The following NOL4 variants were observed in gnomAD, a reference collection of about 807,000 sequenced individuals.
The protein encoded by NOL4 is cancer/testis antigen 125.
In NOL4, 17 loss-of-function variants were observed where a neutral mutation model predicts 75.9. The observed-to-expected ratio is 0.22, with a 90% CI of 0.15 to 0.34. NOL4 has a LOEUF of 0.34. Among genes scored for constraint, NOL4 ranks in the 10% least tolerant of loss-of-function variants. The probability of loss-of-function intolerance (pLI) is 1.00; values close to 1 mark genes in which losing one functional copy is unlikely to be tolerated. For missense variants in NOL4, 614 were observed against 793.5 expected (o/e 0.77, Z 2.72); for synonymous variants, 292 against 289.9 (o/e 1.01, Z -0.07).
At chr18:34,009,991 T>C (rs1226813248) in intron 6 of NOL4, among the ~76,000 whole-genome samples, 1 of 151,858 alleles carries the variant, frequency 6.6e-6, no homozygotes, top group African/African-American at 2.4e-5. Context: ...ATATACACTT[T>C]CATTTTTCCT....
chr18:34,024,373 C>T (rs1279126367), intron 5 of NOL4, among the ~76,000 whole-genome samples: 1 of 150,992 alleles, frequency 6.6e-6, no homozygotes, highest in Non-Finnish European at 1.5e-5. Flanking sequence ...TCTTTCATAT[C>T]TTACCGTAAA....
At chr18:34,207,768 C>A (rs1022968914) in intron 1 of NOL4, among the ~76,000 whole-genome samples, 8 of 152,072 alleles carry the variant, frequency 5.3e-5, no homozygotes, top group African/African-American at 1.9e-4. Context: ...AACATGTAGC[C>A]CTGAAAAAGA....
chr18:34,033,117 G>T (rs2075721443), intron 5 of NOL4, among the ~76,000 whole-genome samples: 1 of 152,032 alleles, frequency 6.6e-6, no homozygotes, highest in Non-Finnish European at 1.5e-5. Flanking sequence ...CAGATGCAGA[G>T]ATATCAATGT....
chr18:34,087,764 C>G (rs1268845565), intron 5 of NOL4, among the ~76,000 whole-genome samples: 1 of 151,666 alleles, frequency 6.6e-6, no homozygotes, highest in Non-Finnish European at 1.5e-5. Context: ...TTTTGACTAC[C>G]TAGCCTCTGA....
chr18:33,940,690 C>CA (rs1315252430), intron 9 of NOL4, among the ~76,000 whole-genome samples: 18 of 149,834 alleles, frequency 1.2e-4, no homozygotes, highest in African/African-American at 1.5e-4. Context: ...ACTTAAAGTA[C>CA]AAAAAACAAA....
At position 34,142,939 on chromosome 18, in the gene NOL4, G is replaced by A. The variant is rs75208266; in HGVS notation, c.265-12919C>T. Among the ~76,000 whole-genome samples, 1,284 of 152,130 alleles carry A rather than the reference G, an allele frequency of 8.4e-3. 4 individuals carry two copies. The highest frequency in any genetic ancestry group is 0.034 in the Middle Eastern group (10 of 294). ...TCAAAAATATTCAGGAAAAATAACA[G>A]TACAATAAAAATATTACAAACCTTT... On this transcript the variant is annotated intron_variant, in intron 1 of 10. Coordinates refer to ENST00000261592, the MANE Select transcript of NOL4 (RefSeq NM_003787.5).
chr18:34,088,233 C>G (rs953509998), intron 5 of NOL4, among the ~76,000 whole-genome samples: 72 of 152,132 alleles, frequency 4.7e-4, no homozygotes, highest in African/African-American at 1.7e-3. Flanking sequence ...AACTTTAAGT[C>G]TGTTTCTAAA....
At chr18:33,919,906 T>TG (rs1244383888) in intron 9 of NOL4, among the ~76,000 whole-genome samples, 4 of 152,138 alleles carry the variant, frequency 2.6e-5, no homozygotes, top group South Asian at 2.1e-4. Flanking sequence ...TAAAAATAGA[T>TG]GGGGGGCTGT....
chr18:34,120,239 G>C (rs930579334), intron 2 of NOL4, among the ~76,000 whole-genome samples: 1 of 152,146 alleles, frequency 6.6e-6, no homozygotes, highest in African/African-American at 2.4e-5. Flanking sequence ...AGAGTCTGCA[G>C]GCAGCTTGAA....
intron 1 of NOL4, chr18:34,222,604 G>C (rs2037397704): frequency 2.7e-6 from 1 of 368,622 alleles, no homozygotes; most frequent in South Asian, 1.1e-4. Context: ...TTCCAGCCTG[G>C]CCTTTAGGCG....
intron 5 of NOL4, among the ~76,000 whole-genome samples, chr18:34,034,697 G>A (rs972741797): frequency 5.9e-5 from 9 of 151,890 alleles, no homozygotes; most frequent in Admixed American, 1.3e-4. Context: ...TGGAGATTGC[G>A]CCACTGTACT....
intron 2 of NOL4, among the ~76,000 whole-genome samples, chr18:34,105,363 C>G (rs1169866423): frequency 6.6e-6 from 1 of 151,850 alleles, no homozygotes; most frequent in Non-Finnish European, 1.5e-5. Context: ...GCCAATAATG[C>G]CATGTGGAGA....
At chr18:34,096,480 C>T (rs1293364397) in intron 4 of NOL4, among the ~76,000 whole-genome samples, 1 of 151,994 alleles carries the variant, frequency 6.6e-6, no homozygotes, top group Non-Finnish European at 1.5e-5. Flanking sequence ...TTTTTACCAA[C>T]ATAGATAAAA....
intron 10 of NOL4, among the ~76,000 whole-genome samples, 179 bp downstream of exon 10, chr18:33,883,065 G>A (rs149942834): frequency 0.015 from 2,217 of 151,858 alleles, 47 homozygotes; most frequent in African/African-American, 0.051. Flanking sequence ...GTGGGGTGGA[G>A]GGAGGGGGGA....
chr18:34,093,275 T>G (rs2145549796), intron 5 of NOL4, among the ~76,000 whole-genome samples, 190 bp downstream of exon 5: 1 of 152,264 alleles, frequency 6.6e-6, no homozygotes, highest in African/African-American at 2.4e-5. Flanking sequence ...AACACCTTGG[T>G]TTTGAACAGT....
At chr18:33,865,842 G>A (rs932988709) in intron 10 of NOL4, among the ~76,000 whole-genome samples, 7 of 152,056 alleles carry the variant, frequency 4.6e-5, no homozygotes, top group African/African-American at 1.7e-4. Flanking sequence ...TCCTCCTGAT[G>A]TCATTAAGTT....
At chr18:34,008,143 A>G (rs1313812457) in intron 6 of NOL4, among the ~76,000 whole-genome samples, 2 of 152,004 alleles carry the variant, frequency 1.3e-5, no homozygotes, top group Non-Finnish European at 2.9e-5. Context: ...GAGCTGCAAC[A>G]TTCATCTTCT....
At chr18:34,049,973 A>G (rs1020200813) in intron 5 of NOL4, among the ~76,000 whole-genome samples, 1 of 152,164 alleles carries the variant, frequency 6.6e-6, no homozygotes, top group Non-Finnish European at 1.5e-5. Context: ...GAATCTCATT[A>G]TTGCACATAA....
intron 1 of NOL4, among the ~76,000 whole-genome samples, chr18:34,163,910 G>A (rs144297912): frequency 0.011 from 1,632 of 152,072 alleles, 4 homozygotes; most frequent in Middle Eastern, 0.034. Flanking sequence ...TCAATGGAAC[G>A]GAACAGAGCC....
Sources: gnomAD v4.1 joint callset for allele counts (sites outside exome capture counted in the v4.1 genomes callset) on GRCh38, gnomAD v4.1.1 for gene constraint, MANE v1.5 for transcripts, NCBI Gene and HGNC (gene_info 2026-07-23, HGNC 2026-07-21) for gene names.